The following ASTN1 variants were observed in gnomAD, a reference collection of about 807,000 sequenced individuals.
ASTN1 encodes the protein astrotactin-1.
A neutral mutation model predicts 140.7 loss-of-function variants in ASTN1; 41 were observed. The observed-to-expected ratio is 0.29, with a 90% CI of 0.23 to 0.38. The LOEUF is 0.38. Among genes scored for constraint, ASTN1 ranks in the 10% least tolerant of loss-of-function variants. The probability of loss-of-function intolerance (pLI) is 1.00; values close to 1 mark genes in which losing one functional copy is unlikely to be tolerated. For missense variants in ASTN1, 1,479 were observed against 1,678.8 expected (o/e 0.88, Z 2.08); for synonymous variants, 640 against 652.2 (o/e 0.98, Z 0.29).
At chr1:176,978,273 G>T (rs1232843542) in intron 8 of ASTN1, among the ~76,000 whole-genome samples, 1 of 152,166 alleles carries the variant, frequency 6.6e-6, no homozygotes, top group Non-Finnish European at 1.5e-5. Flanking sequence ...ATCTATACTT[G>T]GGTAGCGAAT....
chr1:177,158,935 C>T (rs1254098364), intron 1 of ASTN1, among the ~76,000 whole-genome samples: 4 of 149,068 alleles, frequency 2.7e-5, no homozygotes, highest in Non-Finnish European at 4.5e-5. Flanking sequence ...GGCATGGTGG[C>T]GGGTGACTGT....
intron 13 of ASTN1, among the ~76,000 whole-genome samples, chr1:176,945,640 G>C (rs1285687984): frequency 1.3e-5 from 2 of 152,218 alleles, no homozygotes; most frequent in Non-Finnish European, 2.9e-5. Context: ...GGGAAATGGA[G>C]CTTGAGCATT....
chr1:177,146,150 T>A (rs926024804), intron 1 of ASTN1, among the ~76,000 whole-genome samples: 3 of 151,898 alleles, frequency 2.0e-5, no homozygotes, highest in African/African-American at 4.8e-5. Flanking sequence ...ACAATAACAG[T>A]GTCCAACTTT....
chr1:177,030,763 A>T (rs1029877887), intron 4 of ASTN1, 43 bp downstream of exon 4: 1 of 1,611,462 alleles, frequency 6.2e-7, no homozygotes, highest in African/African-American at 1.3e-5. Flanking sequence ...CTCTACCAAT[A>T]TGAAGGAATC....
chr1:176,936,304 A>G lies in ASTN1; in HGVS notation c.2444T>C (p.Met815Thr), dbSNP rs758462053. The G allele has an allele frequency of 1.9e-6, 3 of 1,614,050 alleles. No homozygotes were observed. The highest frequency in any genetic ancestry group is 1.1e-5 in the South Asian group (1 of 91,074). The change falls in exon 15 of 23, where the codon ATG (methionine) becomes ACG (threonine). Residue 815 changes from methionine (M) to threonine (T), a missense_variant. By Grantham distance (81) the Met-to-Thr change is moderately conservative (BLOSUM62 -1). Transcript: ENST00000361833. ...VLQHWKVRSV[M>T]YHIKLNQVAI... ...CACTTGGTTGAGTTTGATGTGGTAC[A>G]TCACAGACCGGACCTTCCAGTGCTG... is the stretch of plus-strand genomic sequence containing the variant.
chr1:176,889,515 GAGATAAC>G (rs1669178557), intron 17 of ASTN1, among the ~76,000 whole-genome samples: 1 of 152,158 alleles, frequency 6.6e-6, no homozygotes, highest in Non-Finnish European at 1.5e-5. Context: ...CGGAAAACAG[GAGATAAC>G]TCTCCAAAAA....
At chr1:177,072,504 C>T (rs1421355693) in intron 1 of ASTN1, among the ~76,000 whole-genome samples, 1 of 152,118 alleles carries the variant, frequency 6.6e-6, no homozygotes, top group African/African-American at 2.4e-5. Context: ...TCCATGGAAA[C>T]GTTGATTTAG....
At chr1:176,935,781 CTT>C (rs988541121) in intron 15 of ASTN1, among the ~76,000 whole-genome samples, 12 of 151,942 alleles carry the variant, frequency 7.9e-5, no homozygotes, top group African/African-American at 2.7e-4. Flanking sequence ...CTCTCTCTCT[CTT>C]TCTCTCAATC....
chr1:177,029,698 C>G lies in ASTN1; in HGVS notation c.1056G>C (p.Glu352Asp), dbSNP rs1676324158. 7 of 1,613,604 alleles carry G rather than the reference C, an allele frequency of 4.3e-6. No homozygotes were observed. The highest frequency in any genetic ancestry group is 8.5e-7 in the Non-Finnish European group (1 of 1,179,806). Residue 352 changes from glutamate (E) to aspartate (D), a missense_variant, in exon 5 of 23, where the codon GAG (glutamate) becomes GAC (aspartate). Physicochemically the swap from Glu to Asp is conservative, Grantham distance 45. Transcript: ENST00000361833. ...AGGTCAGCTGGGGGTCGTTTTCTGC[C>G]TCTGTGCCAGAATCCCCTTCAGGGT... ...FLNPEGDSGTEAENDPQLTFY... is the reference protein window; with the variant it reads ...FLNPEGDSGTDAENDPQLTFY...
At chr1:177,063,395 G>T (rs369628762) in intron 1 of ASTN1, among the ~76,000 whole-genome samples, 2 of 152,250 alleles carry the variant, frequency 1.3e-5, no homozygotes, top group South Asian at 4.2e-4. Flanking sequence ...AAGCATCCAG[G>T]AAGCTGTAGT....
chr1:176,990,713 C>T (rs1380377487), intron 8 of ASTN1, among the ~76,000 whole-genome samples: 1 of 152,062 alleles, frequency 6.6e-6, no homozygotes, highest in African/African-American at 2.4e-5. Flanking sequence ...CGTAGTCTCC[C>T]CCCAGATATT....
At chr1:177,140,739 G>A (rs1682428325) in intron 1 of ASTN1, among the ~76,000 whole-genome samples, 1 of 152,202 alleles carries the variant, frequency 6.6e-6, no homozygotes, top group African/African-American at 2.4e-5. Flanking sequence ...AGGTACCAGA[G>A]TGCATGTTAA....
Position 176,977,581 on chromosome 1 carries a change from A to G in ASTN1, c.1524-12344T>C, listed in dbSNP as rs191770320. On this transcript the variant is annotated intron_variant, in intron 8 of 22. Transcript: ENST00000361833. ...AGAAACTATGGCATTTATTTTGTCAATTTTGATGATTGAACAAGTAAAAGC... is the reference window on the plus strand; with the variant it reads ...AGAAACTATGGCATTTATTTTGTCAGTTTTGATGATTGAACAAGTAAAAGC... Among the ~76,000 whole-genome samples, 67 of 152,350 alleles carry G rather than the reference A, an allele frequency of 4.4e-4. 1 individual carries two copies. In the East Asian group the frequency reaches 0.011, roughly 26 times the overall value.
intron 1 of ASTN1, among the ~76,000 whole-genome samples, chr1:177,076,424 A>C (rs1406239511): frequency 2.0e-5 from 3 of 152,006 alleles, no homozygotes; most frequent in African/African-American, 7.2e-5. Flanking sequence ...TGAAGGGGGA[A>C]GTGCATCCTT....
At chr1:177,159,403 G>T (rs1398307873) in intron 1 of ASTN1, among the ~76,000 whole-genome samples, 2 of 152,188 alleles carry the variant, frequency 1.3e-5, no homozygotes, top group Admixed American at 1.3e-4. Flanking sequence ...GCTCACTGTA[G>T]TGGAGAGAAA....
At chr1:177,057,348 A>G (rs1677858344) in intron 2 of ASTN1, among the ~76,000 whole-genome samples, 1 of 152,180 alleles carries the variant, frequency 6.6e-6, no homozygotes, top group Admixed American at 6.5e-5. Flanking sequence ...TCATTCATAC[A>G]ATGCCATAAG....
At chr1:176,938,159 G>T (rs1334209150) in intron 14 of ASTN1, among the ~76,000 whole-genome samples, 1 of 152,108 alleles carries the variant, frequency 6.6e-6, no homozygotes, top group African/African-American at 2.4e-5. Context: ...ACTACCAACA[G>T]TCATACTATT....
chr1:177,046,470 C>T (rs16850689), intron 2 of ASTN1, among the ~76,000 whole-genome samples: 21,475 of 152,102 alleles, frequency 0.14, 1,893 homozygotes, highest in East Asian at 0.25. Context: ...AAATGAGGAG[C>T]TGTTGGCTTT....
intron 16 of ASTN1, among the ~76,000 whole-genome samples, chr1:176,913,069 C>CA (rs1557954893): frequency 6.6e-6 from 1 of 152,184 alleles, no homozygotes; most frequent in Non-Finnish European, 1.5e-5. Context: ...GCTGGAAGAT[C>CA]AAATTCTATC....
Sources: gnomAD v4.1 joint callset for allele counts (sites outside exome capture counted in the v4.1 genomes callset) on GRCh38, gnomAD v4.1.1 for gene constraint, MANE v1.5 for transcripts, NCBI Gene and HGNC (gene_info 2026-07-23, HGNC 2026-07-21) for gene names.